The following EMC3 variants were observed in gnomAD, a reference collection of about 807,000 sequenced individuals.
EMC3 encodes ER membrane protein complex subunit 3.
In EMC3, 13 loss-of-function variants were observed where a neutral mutation model predicts 36.6. The ratio of observed to expected loss-of-function variants is 0.35; its 90% CI spans 0.23 to 0.56. EMC3 has a LOEUF of 0.56. EMC3 is among the 20% of genes least tolerant of loss of function. EMC3 has a pLI of 0.84. For missense variants in EMC3, 220 were observed against 324.5 expected (o/e 0.68, Z 2.47); for synonymous variants, 120 against 111.9 (o/e 1.07, Z -0.46).
intron 1 of EMC3, among the ~76,000 whole-genome samples, chr3:9,980,838 T>C (rs2085903616): frequency 6.6e-6 from 1 of 152,186 alleles, no homozygotes; most frequent in African/African-American, 2.4e-5. Flanking sequence ...GGTCGTGACC[T>C]TGTCTTACAC....
intron 7 of EMC3, among the ~76,000 whole-genome samples, chr3:9,964,633 G>T (rs969020716): frequency 2.6e-5 from 4 of 152,166 alleles, no homozygotes; most frequent in African/African-American, 9.7e-5. Context: ...GGTTTAAATG[G>T]TGCATGGTCC....
chr3:9,992,578 T>C (rs2086068320), intron 1 of EMC3, among the ~76,000 whole-genome samples: 1 of 152,258 alleles, frequency 6.6e-6, no homozygotes, highest in East Asian at 1.9e-4. Flanking sequence ...ATACTGGAGT[T>C]GGCAAGTGAT....
At chr3:9,988,550 G>T (rs1313083292), upstream of EMC3, 6 of 889,500 alleles carry the variant, frequency 6.7e-6, no homozygotes, top group East Asian at 2.4e-5. Flanking sequence ...AACTGAGGTA[G>T]ATTGAAATAA....
upstream of EMC3, among the ~76,000 whole-genome samples, chr3:9,990,969 T>C (rs1042106321): frequency 6.6e-5 from 10 of 152,038 alleles, no homozygotes; most frequent in South Asian, 2.1e-4. Flanking sequence ...GTTGGGACTA[T>C]AGGCGCCCAC....
At position 9,963,736 on chromosome 3, in the gene EMC3, A is replaced by G. The variant is rs1347033189; in HGVS notation, c.*333T>C. 1.1e-5 allele frequency: 2 copies of G among 176,154 alleles called. No individual in the cohort carries two copies. The highest frequency in any genetic ancestry group is 2.4e-5 in the Non-Finnish European group (2 of 82,894). The allele number at this position is 176,154 out of a possible 1,614,324, so 10.9% of individuals were successfully genotyped here. A position where few individuals can be genotyped will look rare whatever the true frequency, so the allele number is the denominator to read the frequency against. On this transcript the variant is annotated 3_prime_UTR_variant, in exon 8 of 8. Coordinates refer to ENST00000245046, the MANE Select transcript of EMC3 (RefSeq NM_001394674.1). ...CGTGACCCACCCGCCTCAGCCTCCC[A>G]AAATCCTGGGATTACAGGCGTGAGC...
intron 5 of EMC3, among the ~76,000 whole-genome samples, chr3:9,973,001 T>C (rs2085803843): frequency 6.7e-6 from 1 of 148,188 alleles, no homozygotes; most frequent in Non-Finnish European, 1.5e-5. Context: ...GCTAACTTTT[T>C]GTATTTTTAG....
At chr3:9,987,122 G>T, upstream of EMC3, 2 of 821,896 alleles carry the variant, frequency 2.4e-6, no homozygotes, top group Non-Finnish European at 3.0e-6. Flanking sequence ...GCTGAGGCAG[G>T]AGAATGGCGT....
chr3:9,977,994 A>G (rs975489088), intron 1 of EMC3, among the ~76,000 whole-genome samples: 1 of 151,956 alleles, frequency 6.6e-6, no homozygotes, highest in Non-Finnish European at 1.5e-5. Flanking sequence ...TAAATCAACT[A>G]TTAGAGCCAT....
rs566452461 is a variant in EMC3, at chr3:9,977,035, T to G, written c.229A>C (p.Lys77Gln). The G allele has an allele frequency of 6.9e-6, 11 of 1,605,358 alleles. No homozygotes were observed. The highest frequency in any genetic ancestry group is 4.5e-5 in the East Asian group (2 of 44,834). Reference protein sequence around the residue: ...YIPKQSFLTRKYYFNNPEDGF... With the variant: ...YIPKQSFLTRQYYFNNPEDGF... Reference sequence around the variant, plus strand: ...TCCTCTGGGTTGTTGAAATAATATTTTCGTGTCAAGAAAGACTAGTAAAAA... The same window carrying G: ...TCCTCTGGGTTGTTGAAATAATATTGTCGTGTCAAGAAAGACTAGTAAAAA... Residue 77 changes from lysine (K) to glutamine (Q), a missense_variant, in exon 3 of 8, where the codon AAA (lysine) becomes CAA (glutamine). Coordinates refer to ENST00000245046, the MANE Select transcript of EMC3 (RefSeq NM_001394674.1).
intron 1 of EMC3, among the ~76,000 whole-genome samples, chr3:10,000,277 T>C (rs1386441457): frequency 6.6e-6 from 1 of 152,116 alleles, no homozygotes; most frequent in African/African-American, 2.4e-5. Context: ...TGAACTCAAG[T>C]GAACCACCCG....
chr3:9,980,861 C>T (rs545223912), intron 1 of EMC3, among the ~76,000 whole-genome samples: 2 of 152,274 alleles, frequency 1.3e-5, no homozygotes, highest in South Asian at 4.1e-4. Context: ...TACCCCACAG[C>T]ATGCAGCAGA....
chr3:9,982,417 G>T (rs2085921702), intron 1 of EMC3, among the ~76,000 whole-genome samples: 2 of 151,794 alleles, frequency 1.3e-5, no homozygotes, highest in Admixed American at 1.3e-4. Context: ...CCATGCTCGG[G>T]TTATTTTTTG....
At chr3:9,964,318 C>T in intron 7 of EMC3, 121 bp from the exon 8 acceptor site, 2 of 1,436,718 alleles carry the variant, frequency 1.4e-6, no homozygotes, top group Non-Finnish European at 9.2e-7. Context: ...CATGTATAAG[C>T]TCATTCAATC....
intron 1 of EMC3, among the ~76,000 whole-genome samples, chr3:9,992,084 C>G (rs1478458236): frequency 2.6e-5 from 4 of 152,052 alleles, no homozygotes; most frequent in Non-Finnish European, 5.9e-5. Context: ...GAGTTGGGGA[C>G]CCCTGATCTA....
At chr3:9,989,915 AGT>A (rs1173278601), upstream of EMC3, among the ~76,000 whole-genome samples, 11 of 151,258 alleles carry the variant, frequency 7.3e-5, no homozygotes, top group African/African-American at 2.7e-4. Context: ...AGTTAAGAGA[AGT>A]AGTAAAATTT....
intron 1 of EMC3, among the ~76,000 whole-genome samples, chr3:9,995,261 T>G (rs1407063309): frequency 6.6e-6 from 1 of 151,742 alleles, no homozygotes; most frequent in Non-Finnish European, 1.5e-5. Context: ...CCTTTAAAGC[T>G]TTTAGCTCCT....
At chr3:10,006,917 A>G (rs7638846) in intron 1 of EMC3, 80,369 of 312,106 alleles carry the variant, frequency 0.26, 14,134 homozygotes, top group African/African-American at 0.61. Flanking sequence ...CTGCCCGGCA[A>G]CGTGGGAGCC....
rs1457671875 is a variant in EMC3 at position 9,969,809 on chromosome 3, A to G, written c.575-8T>C. The G allele has an allele frequency of 1.2e-6, 2 of 1,612,728 alleles. No homozygotes were observed. The highest frequency in any genetic ancestry group is 2.2e-5 in the South Asian group (2 of 90,986). On this transcript the variant is annotated splice_region_variant and splice_polypyrimidine_tract_variant and intron_variant, in intron 6 of 7. Coordinates refer to ENST00000245046, the MANE Select transcript of EMC3 (RefSeq NM_001394674.1). ...TTCGTGATTGGTCAGCGGCTGTAGC[A>G]TAAGACACACTTACATGAGTGCCAG...
At chr3:9,976,911 C>A in intron 3 of EMC3, 46 bp downstream of exon 3, 1 of 1,401,326 alleles carries the variant, frequency 7.1e-7, no homozygotes, top group Non-Finnish European at 9.9e-7. Context: ...CTCAAATACC[C>A]ATGTTAAAAA....
Sources: gnomAD v4.1 joint callset for allele counts (sites outside exome capture counted in the v4.1 genomes callset) on GRCh38, gnomAD v4.1.1 for gene constraint, MANE v1.5 for transcripts, NCBI Gene and HGNC (gene_info 2026-07-23, HGNC 2026-07-21) for gene names.